FARSB: variants seen among roughly 807,000 people sequenced by gnomAD.
The protein encoded by FARSB is phenylalanine--tRNA ligase beta subunit.
In FARSB, 40 loss-of-function variants were observed where a neutral mutation model predicts 69.6. That is an observed-to-expected ratio of 0.57 (90% CI 0.45 to 0.75). The LOEUF (loss-of-function observed/expected upper bound fraction) is 0.75, where lower values mean the gene tolerates loss of function less well. FARSB is among the 30% of genes least tolerant of loss of function. The pLI, the probability that FARSB is intolerant of heterozygous loss-of-function variation, is 0.00. For missense variants in FARSB, 632 were observed against 722.9 expected, an observed-to-expected ratio of 0.87 and a Z score of 1.44; for synonymous variants, 235 against 247.2, an observed-to-expected ratio of 0.95 and a Z score of 0.46.
chr2:222,580,715 T>A (rs1309537480), intron 16 of FARSB, among the ~76,000 whole-genome samples: 4 of 150,850 alleles, frequency 2.7e-5, no homozygotes, highest in Non-Finnish European at 5.9e-5. Flanking sequence ...GAAAAAAAAA[T>A]GCCCCAAATC....
At position 222,648,127 on chromosome 2, in the gene FARSB, T is replaced by A. The variant is rs116632112; in HGVS notation, c.114+613A>T. 6.1e-3 allele frequency among the ~76,000 whole-genome samples: 929 copies of A among 152,268 alleles called. 7 individuals are homozygous for A. The highest frequency in any genetic ancestry group is 0.024 in the Middle Eastern group (7 of 294). On this transcript the variant is annotated intron_variant, in intron 2 of 16. Coordinates refer to ENST00000281828, the MANE Select transcript of FARSB (RefSeq NM_005687.5). ...GACCCCCAACCCCACCAAATTAAAGTATGTCTTTAATAGATAATCATTATT... is the reference window on the plus strand; with the variant it reads ...GACCCCCAACCCCACCAAATTAAAGAATGTCTTTAATAGATAATCATTATT...
At chr2:222,624,896 A>G in intron 10 of FARSB, 121 bp from the exon 11 acceptor site, 2 of 601,738 alleles carry the variant, frequency 3.3e-6, no homozygotes, top group East Asian at 2.9e-5. Context: ...AGAGCCACAC[A>G]TTGAGAATAA....
At chr2:222,646,407 T>C (rs1256485893) in intron 2 of FARSB, among the ~76,000 whole-genome samples, 1 of 152,244 alleles carries the variant, frequency 6.6e-6, no homozygotes, top group Non-Finnish European at 1.5e-5. Flanking sequence ...ACTATAAGTT[T>C]ACGATGTGCT....
intron 16 of FARSB, among the ~76,000 whole-genome samples, chr2:222,597,604 C>T (rs1310677840): frequency 6.6e-6 from 1 of 152,164 alleles, no homozygotes; most frequent in African/African-American, 2.4e-5. Context: ...AAGATCAACA[C>T]AAATTAGCTG....
At chr2:222,594,637 C>T (rs1243707908) in intron 16 of FARSB, among the ~76,000 whole-genome samples, 7 of 151,898 alleles carry the variant, frequency 4.6e-5, no homozygotes. Context: ...CTAAAAAAGG[C>T]CCTTAGTGGA....
At chr2:222,602,339 A>C (rs751800162) in intron 15 of FARSB, among the ~76,000 whole-genome samples, 1 of 152,178 alleles carries the variant, frequency 6.6e-6, no homozygotes, top group Non-Finnish European at 1.5e-5. Context: ...ATCTAATGTG[A>C]TCTTAAAAAA....
At chr2:222,632,676 C>T (rs527770259) in intron 7 of FARSB, among the ~76,000 whole-genome samples, 18 of 152,178 alleles carry the variant, frequency 1.2e-4, no homozygotes, top group South Asian at 2.1e-4. Context: ...AGGCCAGGCA[C>T]GGCAGCTCAC....
At chr2:222,617,317 C>T (rs1238938387) in intron 14 of FARSB, among the ~76,000 whole-genome samples, 1 of 152,162 alleles carries the variant, frequency 6.6e-6, no homozygotes, top group Non-Finnish European at 1.5e-5. Flanking sequence ...ACATTTAATG[C>T]ATTTCTGATT....
In FARSB at chr2:222,624,261, T is replaced by C; in HGVS notation, c.1170+11A>G. The C allele has an allele frequency of 1.9e-6, 3 of 1,548,650 alleles. No individual in the cohort carries two copies. Among genetic ancestry groups the C allele is most frequent in the Non-Finnish European group, 2.7e-6 (3 of 1,121,820 alleles). On this transcript the variant is annotated intron_variant, in intron 12 of 16. Coordinates refer to ENST00000281828, the MANE Select transcript of FARSB (RefSeq NM_005687.5). The stretch of plus-strand genomic sequence containing the variant: ...ACAATAAGGAGTGTTTATTTAAGGG[T>C]GCAATCTTACTTGATTAGCTATGGT...
At chr2:222,574,501 A>G (rs988498806) in intron 16 of FARSB, among the ~76,000 whole-genome samples, 3 of 152,150 alleles carry the variant, frequency 2.0e-5, no homozygotes, top group Non-Finnish European at 2.9e-5. Context: ...CAGCGGTCCA[A>G]TGGAGCTGAC....
At chr2:222,644,846 CTCTT>C (rs1258458521) in intron 2 of FARSB, among the ~76,000 whole-genome samples, 1 of 152,032 alleles carries the variant, frequency 6.6e-6, no homozygotes, top group Non-Finnish European at 1.5e-5. Flanking sequence ...TGAATGTAGT[CTCTT>C]TCTGTCTCAG....
Position 222,623,733 on chromosome 2 carries a change from G to GAAAAAAA in FARSB, c.1171-10_1171-4dup. 6.4e-7 allele frequency: 1 copy of GAAAAAAA among 1,557,454 alleles called. No individual in the cohort carries two copies. The highest frequency in any genetic ancestry group is 8.8e-7 in the Non-Finnish European group (1 of 1,141,956). On this transcript the variant is annotated splice_polypyrimidine_tract_variant and splice_region_variant and intron_variant, in intron 12 of 16. Coordinates refer to ENST00000281828, the MANE Select transcript of FARSB (RefSeq NM_005687.5). Reference sequence around the variant, plus strand: ...TCAGTGAGCTTATTAAGAGGAAACTGAAAAAAAAAGCATCCACTTGATTTC... The same window carrying GAAAAAAA: ...TCAGTGAGCTTATTAAGAGGAAACTGAAAAAAAAAAAAAAAAGCATCCACTTGATTTC...
intron 16 of FARSB, among the ~76,000 whole-genome samples, chr2:222,577,341 T>G (rs1004032008): frequency 2.0e-5 from 3 of 152,218 alleles, no homozygotes; most frequent in Admixed American, 2.0e-4. Flanking sequence ...AGAGGGGACC[T>G]AATCCCTTGA....
In FARSB at chr2:222,603,901, T is replaced by A. The variant is rs182135200; in HGVS notation, c.1463-3818A>T. Among the ~76,000 whole-genome samples, 302 of 151,992 alleles carry A rather than the reference T, an allele frequency of 2.0e-3. 1 individual carries two copies. The Middle Eastern group carries it at 0.02, about 10-fold the overall frequency. On this transcript the variant is annotated intron_variant, in intron 15 of 16. Coordinates refer to ENST00000281828, the MANE Select transcript of FARSB (RefSeq NM_005687.5). ...GGGCAAGCTTATGTATGGCTATATA[T>A]CCACTTAATATGGTCAAAGATGTGC...
chr2:222,633,154 TA>T, intron 7 of FARSB, 44 bp downstream of exon 7: 1 of 959,018 alleles, frequency 1.0e-6, no homozygotes, highest in Non-Finnish European at 1.7e-6. Context: ...TGCTGAAGAT[TA>T]AAAGGAAACA....
intron 7 of FARSB, among the ~76,000 whole-genome samples, chr2:222,632,142 A>AT (rs1192483939): frequency 6.6e-6 from 1 of 152,090 alleles, no homozygotes; most frequent in Admixed American, 6.5e-5. Context: ...AATAAAAATA[A>AT]TAAAAAAAAA....
At chr2:222,653,685 C>T (rs928819986) in intron 1 of FARSB, among the ~76,000 whole-genome samples, 1 of 150,322 alleles carries the variant, frequency 6.7e-6, no homozygotes, top group Non-Finnish European at 1.5e-5. Context: ...GGCTGGAGTG[C>T]AGTGGCTTGA....
At chr2:222,655,091 G>A (rs1692137382) in intron 1 of FARSB, among the ~76,000 whole-genome samples, 1 of 152,082 alleles carries the variant, frequency 6.6e-6, no homozygotes, top group South Asian at 2.1e-4. Context: ...CCAGCTACTC[G>A]GGAGGCTGAG....
At chr2:222,609,863 G>A (rs921805798) in intron 15 of FARSB, among the ~76,000 whole-genome samples, 3 of 152,146 alleles carry the variant, frequency 2.0e-5, no homozygotes, top group African/African-American at 7.2e-5. Context: ...AAAATGTGTG[G>A]GAGGCATATC....
Sources: allele counts gnomAD v4.1 joint callset (sites outside exome capture counted in the v4.1 genomes callset), GRCh38; gene constraint gnomAD v4.1.1; transcripts MANE v1.5; gene names NCBI Gene and HGNC (gene_info 2026-07-23, HGNC 2026-07-21).